The following PTPRT variants were observed in gnomAD, a reference collection of about 807,000 sequenced individuals.
PTPRT encodes protein tyrosine phosphatase receptor type T, also known as receptor-type tyrosine-protein phosphatase T.
A neutral mutation model predicts 176.8 loss-of-function variants in PTPRT; 56 were observed. That is an observed-to-expected ratio of 0.32 (90% CI 0.26 to 0.40). PTPRT has a LOEUF of 0.40. Ranked by LOEUF, PTPRT falls within the 10% of genes least tolerant of loss-of-function variation. PTPRT has a pLI of 1.00. For missense variants in PTPRT, 1,540 were observed against 1,908.2 expected (o/e 0.81, Z 3.60); for synonymous variants, 783 against 739.0 (o/e 1.06, Z -0.96).
intron 9 of PTPRT, among the ~76,000 whole-genome samples, chr20:42,407,693 G>T (rs1205476385): frequency 6.6e-6 from 1 of 151,840 alleles, no homozygotes; most frequent in Non-Finnish European, 1.5e-5. Context: ...GAGATACTCA[G>T]GAAAAATATT....
At chr20:42,762,322 G>C (rs1334122404) in intron 5 of PTPRT, among the ~76,000 whole-genome samples, 1 of 152,138 alleles carries the variant, frequency 6.6e-6, no homozygotes, top group Non-Finnish European at 1.5e-5. Flanking sequence ...CTGGGGTGAG[G>C]CTGGATAATT....
At chr20:42,991,317 T>G (rs1401642078) in intron 1 of PTPRT, among the ~76,000 whole-genome samples, 1 of 152,160 alleles carries the variant, frequency 6.6e-6, no homozygotes, top group Non-Finnish European at 1.5e-5. Flanking sequence ...GTAAGTATTT[T>G]TGGGTCCACA....
intron 1 of PTPRT, among the ~76,000 whole-genome samples, chr20:43,141,371 T>C (rs1257974536): frequency 6.6e-6 from 1 of 152,204 alleles, no homozygotes; most frequent in Non-Finnish European, 1.5e-5. Context: ...GTGGCTCTGC[T>C]TCTAGGGATG....
intron 18 of PTPRT, among the ~76,000 whole-genome samples, chr20:42,141,206 C>A (rs1232588413): frequency 6.6e-6 from 1 of 152,184 alleles, no homozygotes; most frequent in African/African-American, 2.4e-5. Flanking sequence ...CAGGCCCTCA[C>A]CTCAGAGCCC....
intron 1 of PTPRT, among the ~76,000 whole-genome samples, chr20:42,935,147 ATTTTTTTTTTT>A (rs57178522): frequency 0.037 from 1,559 of 42,304 alleles, 57 homozygotes; most frequent in African/African-American, 0.14. Flanking sequence ...TTTTGCCATA[ATTTTTTTTTTT>A]TTTTTTTTTT....
intron 8 of PTPRT, among the ~76,000 whole-genome samples, chr20:42,467,173 A>G (rs887170705): frequency 2.0e-5 from 3 of 152,244 alleles, no homozygotes; most frequent in Admixed American, 6.5e-5. Flanking sequence ...TGTAAGCACC[A>G]ACGTAATAAC....
intron 9 of PTPRT, among the ~76,000 whole-genome samples, chr20:42,368,575 AT>A (rs1406558845): frequency 2.0e-5 from 3 of 152,180 alleles, no homozygotes; most frequent in Non-Finnish European, 4.4e-5. Flanking sequence ...TCTTATTAAG[AT>A]TCAGAGTTCA....
intron 8 of PTPRT, among the ~76,000 whole-genome samples, chr20:42,461,268 G>A (rs1047158523): frequency 2.6e-5 from 4 of 152,064 alleles, no homozygotes; most frequent in Admixed American, 6.5e-5. Flanking sequence ...CGGAGGTTGC[G>A]GTGAGCCAAG....
intron 7 of PTPRT, among the ~76,000 whole-genome samples, chr20:42,601,384 C>T (rs2073779155): frequency 6.6e-6 from 1 of 152,182 alleles, no homozygotes; most frequent in Non-Finnish European, 1.5e-5. Flanking sequence ...CTACAAATCG[C>T]TTTGTAGGCC....
In PTPRT at chr20:42,999,278, C is replaced by T. The variant is rs890767619; in HGVS notation, c.89-113346G>A. ...AAGAGACAAAAAGACTGAAAGCACA[C>T]GTCAAAAAGCAAACAGTCATTATTT... On this transcript the variant is annotated intron_variant, in intron 1 of 30. Coordinates refer to ENST00000373187, the MANE Select transcript of PTPRT (RefSeq NM_007050.6). Among the ~76,000 whole-genome samples the T allele has an allele frequency of 5.3e-5, 8 of 152,078 alleles. No individual in the cohort carries two copies. The South Asian group carries it at 6.2e-4, about 12-fold the overall frequency.
intron 16 of PTPRT, among the ~76,000 whole-genome samples, chr20:42,171,692 A>C (rs1990086275): frequency 6.6e-6 from 1 of 152,108 alleles, no homozygotes; most frequent in African/African-American, 2.4e-5. Flanking sequence ...AAACAAAAGA[A>C]AACCCTGACT....
At chr20:43,030,061 A>G (rs1986077770) in intron 1 of PTPRT, among the ~76,000 whole-genome samples, 1 of 152,214 alleles carries the variant, frequency 6.6e-6, no homozygotes, top group Non-Finnish European at 1.5e-5. Context: ...TTGAAGCATA[A>G]TCTAGCCTAT....
intron 15 of PTPRT, among the ~76,000 whole-genome samples, chr20:42,225,030 C>T (rs535351820): frequency 1.3e-5 from 2 of 152,196 alleles, no homozygotes; most frequent in Non-Finnish European, 2.9e-5. Context: ...ATGACATTGT[C>T]TTCCTTTGTA....
chr20:42,277,681 A>G (rs758088478), intron 13 of PTPRT, among the ~76,000 whole-genome samples: 5 of 152,158 alleles, frequency 3.3e-5, no homozygotes, highest in Non-Finnish European at 7.3e-5. Context: ...AAGCAAGTCC[A>G]TGGTGGGTAG....
In PTPRT at chr20:42,840,486, C is replaced by T. The variant is rs1600817022; in HGVS notation, c.214+45321G>A. Among the ~76,000 whole-genome samples, 5 of 152,190 alleles carry T rather than the reference C, an allele frequency of 3.3e-5. No homozygotes were observed. In the South Asian group the frequency reaches 1.0e-3, roughly 32 times the overall value. On this transcript the variant is annotated intron_variant, in intron 2 of 30. Coordinates refer to ENST00000373187, the MANE Select transcript of PTPRT (RefSeq NM_007050.6). ...GGAGTGCAATGGTGCGATCTTGGCT[C>T]ACTGCAACCTCCGCCTCCTGGGTTC...
rs901494297 is a variant in PTPRT at position 42,237,275 on chromosome 20, G to A, written c.2313-1017C>T. ...GTTTGTTACATGGCAGTAGATGACCGGCGCAAAGTCCAACCTTATCTTGGA... is the reference window on the plus strand; with the variant it reads ...GTTTGTTACATGGCAGTAGATGACCAGCGCAAAGTCCAACCTTATCTTGGA... On this transcript the variant is annotated intron_variant, in intron 14 of 30. Coordinates refer to ENST00000373187, the MANE Select transcript of PTPRT (RefSeq NM_007050.6). Among the ~76,000 whole-genome samples, 7 of 152,252 alleles carry A rather than the reference G, an allele frequency of 4.6e-5. No individual in the cohort carries two copies. In the East Asian group the frequency reaches 5.8e-4, roughly 13 times the overall value.
chr20:42,438,380 C>T (rs2059281859), intron 9 of PTPRT, among the ~76,000 whole-genome samples: 1 of 152,160 alleles, frequency 6.6e-6, no homozygotes. Flanking sequence ...AAGAAAGTTT[C>T]TCCCCTGGTG....
chr20:42,473,558 C>G (rs768623588), intron 7 of PTPRT, among the ~76,000 whole-genome samples: 3 of 152,124 alleles, frequency 2.0e-5, no homozygotes, highest in Non-Finnish European at 4.4e-5. Context: ...TCATCCCAGC[C>G]TCAAACTCCT....
chr20:43,037,529 C>T (rs1282151206), intron 1 of PTPRT, among the ~76,000 whole-genome samples: 1 of 152,162 alleles, frequency 6.6e-6, no homozygotes, highest in East Asian at 1.9e-4. Context: ...ACCCTACTAC[C>T]AAGCTAAAGT....
Sources: allele counts gnomAD v4.1 joint callset (sites outside exome capture counted in the v4.1 genomes callset), GRCh38; gene constraint gnomAD v4.1.1; transcripts MANE v1.5; gene names NCBI Gene and HGNC (gene_info 2026-07-23, HGNC 2026-07-21).